RXFP2: variants seen among roughly 807,000 people sequenced by gnomAD.
The protein encoded by RXFP2 is relaxin family peptide receptor 2, also known as relaxin receptor 2.
In RXFP2, 68 loss-of-function variants were observed where a neutral mutation model predicts 88.6. The observed-to-expected ratio is 0.77, with a 90% CI of 0.63 to 0.94. The LOEUF (loss-of-function observed/expected upper bound fraction) is 0.94. Ranked by LOEUF, RXFP2 falls within the 40% of genes least tolerant of loss-of-function variation. The probability of loss-of-function intolerance (pLI) is 0.00; values close to 1 mark genes in which losing one functional copy is unlikely to be tolerated. For synonymous variants in RXFP2, 329 were observed against 306.8 expected, an observed-to-expected ratio of 1.07 and a Z score of -0.76; for missense variants, 791 against 893.9, an observed-to-expected ratio of 0.88 and a Z score of 1.47.
intron 5 of RXFP2, among the ~76,000 whole-genome samples, chr13:31,774,088 C>T (rs117384047): frequency 6.6e-6 from 1 of 152,246 alleles, no homozygotes; most frequent in East Asian, 1.9e-4. Context: ...GCATACTTGC[C>T]CTGGTTCAAC....
At chr13:31,749,489 TA>T (rs2138388671) in intron 1 of RXFP2, among the ~76,000 whole-genome samples, 1 of 152,348 alleles carries the variant, frequency 6.6e-6, no homozygotes, top group East Asian at 1.9e-4. Context: ...CTGGGATTTT[TA>T]TTGAGATTTC....
At chr13:31,761,482 T>C (rs1187601434) in intron 2 of RXFP2, among the ~76,000 whole-genome samples, 1 of 152,228 alleles carries the variant, frequency 6.6e-6, no homozygotes, top group African/African-American at 2.4e-5. Context: ...TATATTTATG[T>C]AAAATAATTA....
chr13:31,778,520 T>C lies in RXFP2; in HGVS notation c.722T>C (p.Val241Ala), dbSNP rs1873100793. The C allele has an allele frequency of 1.2e-6, 2 of 1,605,560 alleles. No individual in the cohort carries two copies. Among genetic ancestry groups the C allele is most frequent in the Admixed American group, 1.7e-5 (1 of 59,968 alleles). ...ATTTTCTTTGTGTAAAGGTCTATGGTTAATAACTACTTAGAAGCTCTTCCC... is the reference window on the plus strand; with the variant it reads ...ATTTTCTTTGTGTAAAGGTCTATGGCTAATAACTACTTAGAAGCTCTTCCC... ...GLNSLFFLSM[V>A]NNYLEALPKQ... The change falls in exon 9 of 18, where the codon GTT becomes GCT. Residue 241 changes from valine to alanine, a missense_variant. Coordinates refer to ENST00000298386, the MANE Select transcript of RXFP2 (RefSeq NM_130806.5).
At chr13:31,743,569 A>G (rs192107687) in intron 1 of RXFP2, among the ~76,000 whole-genome samples, 112 of 152,058 alleles carry the variant, frequency 7.4e-4, no homozygotes, top group African/African-American at 2.6e-3. Context: ...ATAAAGTTCT[A>G]GTCCTCCTTT....
intron 5 of RXFP2, among the ~76,000 whole-genome samples, chr13:31,771,427 A>T (rs552922317): frequency 6.6e-6 from 1 of 152,238 alleles, no homozygotes; most frequent in African/African-American, 2.4e-5. Context: ...TGGGTTGTGC[A>T]CTCTTTAAGA....
intron 1 of RXFP2, among the ~76,000 whole-genome samples, chr13:31,756,188 C>T (rs1397594328): frequency 6.6e-6 from 1 of 152,224 alleles, no homozygotes; most frequent in Non-Finnish European, 1.5e-5. Flanking sequence ...GGTTCTACCT[C>T]CTTTAGGAGA....
chr13:31,784,856 C>T (rs1371532023), intron 11 of RXFP2, among the ~76,000 whole-genome samples: 1 of 152,158 alleles, frequency 6.6e-6, no homozygotes, highest in Non-Finnish European at 1.5e-5. Context: ...GACCCTGAGC[C>T]CTGCTGCTGT....
intron 1 of RXFP2, among the ~76,000 whole-genome samples, chr13:31,744,041 T>C (rs1435472986): frequency 1.3e-5 from 2 of 152,178 alleles, no homozygotes; most frequent in African/African-American, 4.8e-5. Context: ...GCTTCCTGGA[T>C]CTTCTTTGTC....
In RXFP2 at chr13:31,777,388, C is replaced by A; in HGVS notation, c.654C>A (p.Asp218Glu). ...TACATTTTGTCAGAATTCTAGATGA[C>A]AATCCAATAACCAGAATTTCACAGC... is the stretch of plus-strand genomic sequence containing the variant. ...LHQLTWLILD[D>E]NPITRISQRL... The change falls in exon 8 of 18, where the codon GAC (aspartate) becomes GAA (glutamate). Residue 218 changes from aspartate (D) to glutamate (E), a missense_variant. Physicochemically the swap from Asp to Glu is conservative, Grantham distance 45 (BLOSUM62 2). Transcript: ENST00000298386. The A allele has an allele frequency of 6.2e-7, 1 of 1,610,150 alleles. No individual in the cohort carries two copies. Among genetic ancestry groups the A allele is most frequent in the Non-Finnish European group, 8.5e-7 (1 of 1,176,972 alleles).
At chr13:31,767,821 T>C (rs1418258149) in intron 5 of RXFP2, among the ~76,000 whole-genome samples, 7 of 152,190 alleles carry the variant, frequency 4.6e-5, no homozygotes, top group African/African-American at 1.7e-4. Context: ...ACTGAATTTC[T>C]ACCAGCACAG....
chr13:31,758,412 C>T lies in RXFP2; in HGVS notation c.241+8C>T, dbSNP rs746633930. 11 of 1,613,916 alleles carry T rather than the reference C, an allele frequency of 6.8e-6. No individual in the cohort carries two copies. The highest frequency in any genetic ancestry group is 1.7e-4 in the Middle Eastern group (1 of 6,056). ...CGGACGAAGAGAACTGTGGTGAGTG[C>T]TCCCCTCGGCTCCCCATGTGTGCCT... On this transcript the variant is annotated splice_region_variant and intron_variant, in intron 2 of 17. Coordinates refer to ENST00000298386, the MANE Select transcript of RXFP2 (RefSeq NM_130806.5).
intron 6 of RXFP2, 71 bp from the exon 7 acceptor site, chr13:31,775,247 C>T: frequency 8.6e-7 from 1 of 1,169,304 alleles, no homozygotes; most frequent in Non-Finnish European, 1.3e-6. Flanking sequence ...ATCAGTGGCT[C>T]ATATTCTAAT....
At position 31,761,780 on chromosome 13, in the gene RXFP2, G is replaced by A. The variant is rs779166506; in HGVS notation, c.298G>A (p.Val100Met). 12 of 1,612,222 alleles carry A rather than the reference G, an allele frequency of 7.4e-6. No individual in the cohort carries two copies. Among genetic ancestry groups the A allele is most frequent in the South Asian group, 6.6e-5 (6 of 91,048 alleles). ...FGTVHGNANSVALTQECFLKQ... is the reference protein window; with the variant it reads ...FGTVHGNANSMALTQECFLKQ... The stretch of plus-strand genomic sequence containing the variant: ...CACAGTGCATGGAAATGCTAACAGC[G>A]TGGCCTTAACACAGGAGTGCTGTAA... Residue 100 changes from valine (V) to methionine (M), a missense_variant, in exon 3 of 18, where the codon GTG (valine) becomes ATG (methionine). Val to Met is a conservative substitution (Grantham distance 21). Transcript: ENST00000298386.
At chr13:31,751,736 C>A (rs1871682720) in intron 1 of RXFP2, among the ~76,000 whole-genome samples, 1 of 152,172 alleles carries the variant, frequency 6.6e-6, no homozygotes, top group South Asian at 2.1e-4. Flanking sequence ...CTCCACATTT[C>A]TCAAACCAAG....
intron 3 of RXFP2, among the ~76,000 whole-genome samples, chr13:31,764,242 T>TTC (rs1408710516): frequency 3.7e-3 from 314 of 83,912 alleles, no homozygotes; most frequent in African/African-American, 0.012. Flanking sequence ...CTCTCTCTCT[T>TTC]TCACACACAC....
At chr13:31,780,653 G>C (rs1263222635) in intron 9 of RXFP2, among the ~76,000 whole-genome samples, 1 of 152,200 alleles carries the variant, frequency 6.6e-6, no homozygotes. Flanking sequence ...CTATGAAAAG[G>C]AATCAGGAGA....
At chr13:31,743,654 T>C (rs1436098204) in intron 1 of RXFP2, among the ~76,000 whole-genome samples, 1 of 151,646 alleles carries the variant, frequency 6.6e-6, no homozygotes, top group Non-Finnish European at 1.5e-5. Context: ...CTCCTTCCCA[T>C]CTTTATTTAT....
rs1872496252 is a variant in RXFP2, at chr13:31,765,208, AAT to A, written c.425+68_425+69del. ...TCACATGAAAACCAAGAAAAAACCCAATAGTGTTGCTTGTGCATTAGCAAAAT... is the reference window on the plus strand; with the variant it reads ...TCACATGAAAACCAAGAAAAAACCCAAGTGTTGCTTGTGCATTAGCAAAAT... On this transcript the variant is annotated intron_variant, in intron 4 of 17. Transcript: ENST00000298386. 2.1e-5 allele frequency: 21 copies of A among 982,136 alleles called. 1 individual carries two copies. The South Asian group carries it at 2.7e-4, about 13-fold the overall frequency. 60.8% of individuals were successfully genotyped at this position (982,136 alleles called of 1,614,324 possible).
intron 5 of RXFP2, among the ~76,000 whole-genome samples, chr13:31,766,546 A>T (rs1462587793): frequency 6.6e-6 from 1 of 152,200 alleles, no homozygotes; most frequent in East Asian, 1.9e-4. Flanking sequence ...TCTGTGACAA[A>T]GAAGGGCCAA....
Sources: gnomAD v4.1 joint callset for allele counts (sites outside exome capture counted in the v4.1 genomes callset) on GRCh38, gnomAD v4.1.1 for gene constraint, MANE v1.5 for transcripts, NCBI Gene and HGNC (gene_info 2026-07-23, HGNC 2026-07-21) for gene names.